CCDC171: variants seen among roughly 807,000 people sequenced by gnomAD.
CCDC171 encodes coiled-coil domain containing 171, also known as coiled-coil domain-containing protein 171.
A neutral mutation model predicts 168.2 loss-of-function variants in CCDC171; 177 were observed. The observed-to-expected ratio is 1.05, with a 90% CI of 0.93 to 1.19. CCDC171 has a LOEUF of 1.19. Among genes scored for constraint, CCDC171 ranks in the 50% most tolerant of loss-of-function variants. The pLI, the probability that CCDC171 is intolerant of heterozygous loss-of-function variation, is 0.00. For missense variants in CCDC171, 1,991 were observed against 1,539.0 expected, an observed-to-expected ratio of 1.29 and a Z score of -4.91; for synonymous variants, 687 against 540.8, an observed-to-expected ratio of 1.27 and a Z score of -3.75.
downstream of CCDC171, among the ~76,000 whole-genome samples, chr9:15,974,259 A>G (rs948122716): frequency 2.6e-5 from 4 of 152,170 alleles, no homozygotes; most frequent in African/African-American, 9.7e-5. Context: ...CCCAGAAGTC[A>G]GACCCAGCAG....
At chr9:15,757,452 G>T (rs2135005008) in intron 18 of CCDC171, among the ~76,000 whole-genome samples, 1 of 152,258 alleles carries the variant, frequency 6.6e-6, no homozygotes, top group South Asian at 2.1e-4. Flanking sequence ...AGCAGCAAAA[G>T]AGGTGACTTG....
chr9:15,605,380 T>C (rs571574019), intron 6 of CCDC171, among the ~76,000 whole-genome samples: 1 of 151,918 alleles, frequency 6.6e-6, no homozygotes, highest in African/African-American at 2.4e-5. Flanking sequence ...AACTTTGTTA[T>C]AAAAATGCCC....
intron 8 of CCDC171, among the ~76,000 whole-genome samples, chr9:15,664,501 G>T (rs2133116538): frequency 6.6e-6 from 1 of 150,630 alleles, no homozygotes; most frequent in South Asian, 2.1e-4. Context: ...TGCTCACCTT[G>T]GCCTCCCGGA....
chr9:15,704,837 G>T (rs1481527823), intron 11 of CCDC171, among the ~76,000 whole-genome samples: 2 of 152,044 alleles, frequency 1.3e-5, no homozygotes, highest in Non-Finnish European at 2.9e-5. Flanking sequence ...CAGTGTAACA[G>T]TTTACACCTT....
At chr9:15,784,141 A>G (rs1273750516) in intron 20 of CCDC171, among the ~76,000 whole-genome samples, 1 of 152,186 alleles carries the variant, frequency 6.6e-6, no homozygotes, top group African/African-American at 2.4e-5. Context: ...CGCTGAACAC[A>G]AACTTCTAGG....
At chr9:15,673,198 T>TTTTGTGCAAAA (rs1347909951) in intron 9 of CCDC171, among the ~76,000 whole-genome samples, 1 of 152,244 alleles carries the variant, frequency 6.6e-6, no homozygotes, top group East Asian at 1.9e-4. Context: ...TGCACATTAA[T>TTTTGTGCAAAA]TTTGTATCCT....
intron 7 of CCDC171, among the ~76,000 whole-genome samples, chr9:15,633,329 A>G (rs531837077): frequency 6.6e-6 from 1 of 152,210 alleles, no homozygotes. Flanking sequence ...TTTACAAGAA[A>G]AAAACAAACA....
intron 18 of CCDC171, chr9:15,776,317 T>C (rs929614953): frequency 2.6e-5 from 4 of 152,178 alleles, no homozygotes; most frequent in Admixed American, 2.6e-4. Flanking sequence ...GGAATATGAT[T>C]GTTAACAAAA....
intron 23 of CCDC171, among the ~76,000 whole-genome samples, chr9:15,859,434 A>T (rs1386119645): frequency 6.6e-6 from 1 of 151,638 alleles, no homozygotes; most frequent in Non-Finnish European, 1.5e-5. Context: ...CTCCTTTTCA[A>T]ATTTTTTGGA....
chr9:15,966,360 C>A (rs1409954416), intron 25 of CCDC171, among the ~76,000 whole-genome samples: 1 of 152,084 alleles, frequency 6.6e-6, no homozygotes, highest in Admixed American at 6.6e-5. Context: ...CTCACAAGTT[C>A]CATGTAACTG....
chr9:15,871,173 T>C (rs1004087808), intron 23 of CCDC171, among the ~76,000 whole-genome samples: 4 of 151,650 alleles, frequency 2.6e-5, no homozygotes, highest in African/African-American at 9.7e-5. Context: ...TTGCATGATT[T>C]TAAAGAACGT....
chr9:15,853,259 G>C (rs1034889759), intron 23 of CCDC171, among the ~76,000 whole-genome samples: 1 of 151,626 alleles, frequency 6.6e-6, no homozygotes, highest in African/African-American at 2.4e-5. Context: ...TCTCTCAAAA[G>C]ATGTTTTGTG....
At chr9:15,682,965 T>C (rs1456355150) in intron 10 of CCDC171, among the ~76,000 whole-genome samples, 1 of 152,032 alleles carries the variant, frequency 6.6e-6, no homozygotes, top group African/African-American at 2.4e-5. Flanking sequence ...TTTTAGACAT[T>C]ACTGTGAGTT....
At chr9:15,956,903 A>T (rs1829851546) in intron 25 of CCDC171, among the ~76,000 whole-genome samples, 1 of 152,062 alleles carries the variant, frequency 6.6e-6, no homozygotes, top group Admixed American at 6.6e-5. Context: ...ATTATTAATG[A>T]TGTAATGGAA....
At chr9:15,615,845 C>G (rs1470074692) in intron 6 of CCDC171, among the ~76,000 whole-genome samples, 1 of 150,888 alleles carries the variant, frequency 6.6e-6, no homozygotes, top group Non-Finnish European at 1.5e-5. Flanking sequence ...GTGGCATGAT[C>G]TCAGCTTGCT....
intron 24 of CCDC171, among the ~76,000 whole-genome samples, chr9:15,920,040 A>G (rs536884839): frequency 1.3e-5 from 2 of 151,844 alleles, no homozygotes; most frequent in Admixed American, 6.6e-5. Context: ...ATCAAAGTAC[A>G]TCTTATTTAA....
At chr9:15,644,221 C>G (rs2046859938) in intron 7 of CCDC171, among the ~76,000 whole-genome samples, 1 of 152,138 alleles carries the variant, frequency 6.6e-6, no homozygotes, top group African/African-American at 2.4e-5. Context: ...TTCCAATTTT[C>G]TTCCAGTATT....
chr9:16,033,880 A>C (rs1833413024), intron 6 of CCDC171, among the ~76,000 whole-genome samples: 1 of 152,168 alleles, frequency 6.6e-6, no homozygotes, highest in Admixed American at 6.6e-5. Flanking sequence ...GCAGGGCCCC[A>C]AGGGCAGGTG....
intron 10 of CCDC171, among the ~76,000 whole-genome samples, chr9:15,686,965 A>G (rs2050439341): frequency 6.6e-6 from 1 of 152,210 alleles, no homozygotes; most frequent in African/African-American, 2.4e-5. Flanking sequence ...CATTCTTCTC[A>G]AGTGTACGTG....
Sources: allele counts gnomAD v4.1 joint callset (sites outside exome capture counted in the v4.1 genomes callset), GRCh38; gene constraint gnomAD v4.1.1; transcripts MANE v1.5; gene names NCBI Gene and HGNC (gene_info 2026-07-23, HGNC 2026-07-21).